The following ABI3BP variants were observed in gnomAD, a reference collection of about 807,000 sequenced individuals.
The protein encoded by ABI3BP is target of Nesh-SH3.
Under a neutral mutation model 268.6 loss-of-function variants are expected in ABI3BP, and 216 were observed. That is an observed-to-expected ratio of 0.80 (90% CI 0.72 to 0.90). The LOEUF (loss-of-function observed/expected upper bound fraction) is 0.90, where lower values mean the gene tolerates loss of function less well. Among genes scored for constraint, ABI3BP ranks in the 40% least tolerant of loss-of-function variants. ABI3BP has a pLI of 0.00. For missense variants in ABI3BP, 2,090 were observed against 2,182.4 expected (o/e 0.96, Z 0.84); for synonymous variants, 730 against 730.0 (o/e 1.00, Z 0.00).
rs1215705654 is a variant in ABI3BP, at chr3:100,810,579, A to T, written c.3542-102T>A. On this transcript the variant is annotated intron_variant, in intron 48 of 67. Transcript: ENST00000471714. ...TAACAAATAGATTTTTTTAAAATAA[A>T]GAAAATTGCAAGTCTGCAGCAAAAC... 8.9e-6 allele frequency: 7 copies of T among 790,802 alleles called. No individual in the cohort carries two copies. The East Asian group carries it at 1.9e-4, about 22-fold the overall frequency. The allele number at this position is 790,802 out of a possible 1,614,324, so 49.0% of individuals were successfully genotyped here.
chr3:100,935,480 T>A (rs1380196056), intron 1 of ABI3BP, among the ~76,000 whole-genome samples: 1 of 152,150 alleles, frequency 6.6e-6, no homozygotes, highest in Non-Finnish European at 1.5e-5. Context: ...TTATTCCATA[T>A]GAAATTGAAA....
chr3:100,796,308 A>C (rs2097344616), intron 52 of ABI3BP, 101 bp downstream of exon 52: 4 of 911,236 alleles, frequency 4.4e-6, no homozygotes, highest in Non-Finnish European at 4.8e-6. Context: ...TTTTTCTCTA[A>C]ATTTCTTCCA....
intron 11 of ABI3BP, 176 bp from the exon 12 acceptor site, chr3:100,864,252 T>C: frequency 3.3e-6 from 2 of 605,648 alleles, no homozygotes; most frequent in Non-Finnish European, 5.9e-6. Flanking sequence ...TATGAAGGTG[T>C]ACATTCAAAG....
intron 1 of ABI3BP, among the ~76,000 whole-genome samples, chr3:100,926,868 C>T (rs2061950158): frequency 6.6e-6 from 1 of 152,128 alleles, no homozygotes; most frequent in South Asian, 2.1e-4. Context: ...CTTTATGAGG[C>T]TTTCCAGTGC....
At chr3:100,851,750 G>C (rs2098841905) in intron 15 of ABI3BP, 125 bp downstream of exon 15, 2 of 731,346 alleles carry the variant, frequency 2.7e-6, no homozygotes, top group East Asian at 5.5e-5. Context: ...CCCTGACACA[G>C]GTAGAAATTT....
intron 12 of ABI3BP, 101 bp from the exon 13 acceptor site, chr3:100,863,010 G>C: frequency 1.3e-6 from 1 of 799,688 alleles, no homozygotes; most frequent in Middle Eastern, 2.5e-4. Flanking sequence ...ACACAAAAAG[G>C]CAAATCATGT....
Position 100,837,164 on chromosome 3 carries a change from C to T in ABI3BP, c.2091G>A (p.Glu697=). 6.5e-7 allele frequency: 1 copy of T among 1,533,806 alleles called. No individual in the cohort carries two copies. The highest frequency in any genetic ancestry group is 8.7e-7 in the Non-Finnish European group (1 of 1,145,862). The change falls in exon 27 of 68, where the codon GAG becomes GAA. Residue 697 remains glutamate (E), a synonymous_variant. Coordinates refer to ENST00000471714, the MANE Select transcript of ABI3BP (RefSeq NM_001375547.2). The part of the protein sequence containing the change: ...PDMPPTKSVS[E]PVPFETEAPS... The stretch of plus-strand genomic sequence containing the variant: ...GAGCTTCAGTTTCAAATGGAACAGG[C>T]TCAGAGACTGCATCATAAAAAATAA...
At position 100,750,107 on chromosome 3, in the gene ABI3BP, A is replaced by ATTCC. The variant is rs1461943170; in HGVS notation, c.*387_*388insGGAA. ...AGATTTATGGAATTAACTCATCAAT[A>ATTCC]GGAAGAGTACACATCAATAAAAGTA... On this transcript the variant is annotated 3_prime_UTR_variant, in exon 68 of 68. Transcript: ENST00000471714. 32 of 230,720 alleles carry ATTCC rather than the reference A, an allele frequency of 1.4e-4. No individual in the cohort carries two copies. The highest frequency in any genetic ancestry group is 2.5e-5 in the Non-Finnish European group (3 of 120,784). The allele number at this position is 230,720 out of a possible 1,614,324, so 14.3% of individuals were successfully genotyped here. A position where few individuals can be genotyped will look rare whatever the true frequency, so the allele number is the denominator to read the frequency against.
chr3:100,888,951 G>A (rs1561308760), intron 4 of ABI3BP, among the ~76,000 whole-genome samples: 1 of 151,698 alleles, frequency 6.6e-6, no homozygotes, highest in Non-Finnish European at 1.5e-5. Context: ...TACACAGTAG[G>A]TGCTCCATAA....
At chr3:100,816,606 G>A in intron 43 of ABI3BP, 82 bp downstream of exon 43, 1 of 1,084,512 alleles carries the variant, frequency 9.2e-7, no homozygotes, top group Admixed American at 2.0e-5. Context: ...TCCCGTCATA[G>A]GCATTTCTTT....
intron 22 of ABI3BP, among the ~76,000 whole-genome samples, 199 bp from the exon 23 acceptor site, chr3:100,840,363 G>A (rs2098674420): frequency 6.6e-6 from 1 of 152,066 alleles, no homozygotes; most frequent in South Asian, 2.1e-4. Flanking sequence ...TTAATAAACT[G>A]TCCAAGAGAT....
At chr3:100,870,032 C>T (rs947082796) in intron 9 of ABI3BP, among the ~76,000 whole-genome samples, 7 of 152,062 alleles carry the variant, frequency 4.6e-5, no homozygotes, top group Admixed American at 6.6e-5. Flanking sequence ...CTTGATGCCC[C>T]GTTATGAGCT....
chr3:100,806,542 T>G (rs559389214), intron 50 of ABI3BP, among the ~76,000 whole-genome samples: 2 of 152,254 alleles, frequency 1.3e-5, no homozygotes, highest in South Asian at 4.1e-4. Context: ...AGGTCCCAAT[T>G]CTACCCACTT....
chr3:100,941,519 C>T (rs935725499), intron 1 of ABI3BP, among the ~76,000 whole-genome samples: 1 of 152,088 alleles, frequency 6.6e-6, no homozygotes, highest in Non-Finnish European at 1.5e-5. Flanking sequence ...TAATGGGGCA[C>T]TTTATATCTG....
At chr3:100,861,134 T>A (rs140916569) in intron 14 of ABI3BP, among the ~76,000 whole-genome samples, 1 of 152,174 alleles carries the variant, frequency 6.6e-6, no homozygotes, top group Non-Finnish European at 1.5e-5. Context: ...AAGACTTAGA[T>A]ACAGTTTGAG....
At chr3:100,770,312 A>G (rs1214756858) in intron 62 of ABI3BP, among the ~76,000 whole-genome samples, 2 of 152,158 alleles carry the variant, frequency 1.3e-5, no homozygotes, top group African/African-American at 2.4e-5. Context: ...TTGATCAGGA[A>G]TAGAATTTTT....
At chr3:100,892,103 G>T (rs1360553883) in intron 4 of ABI3BP, among the ~76,000 whole-genome samples, 1 of 152,200 alleles carries the variant, frequency 6.6e-6, no homozygotes, top group African/African-American at 2.4e-5. Flanking sequence ...ATGCATTGAG[G>T]TATATTTCTT....
chr3:100,943,495 C>T (rs1391639356), intron 1 of ABI3BP, among the ~76,000 whole-genome samples: 1 of 152,048 alleles, frequency 6.6e-6, no homozygotes, highest in Non-Finnish European at 1.5e-5. Context: ...GTAACCCAAA[C>T]CTTTATCAAG....
rs1579369639 is a variant in ABI3BP, at chr3:100,829,592, TGAAGCTCTTC to T, written c.2521_2530del (p.Glu841ArgfsTer16). 4 of 1,535,412 alleles carry T rather than the reference TGAAGCTCTTC, an allele frequency of 2.6e-6. No individual in the cohort carries two copies. Among genetic ancestry groups the T allele is most frequent in the Non-Finnish European group, 3.5e-6 (4 of 1,146,334 alleles). ...ACCTACAAATTTACCCAGTTCAGTC[TGAAGCTCTTC>T]GGGACTCAGTGTGGTTTTAGGTTTG... On this transcript the variant is annotated frameshift_variant, in exon 33 of 68. Coordinates refer to ENST00000471714, the MANE Select transcript of ABI3BP (RefSeq NM_001375547.2). LOFTEE classifies it high-confidence loss of function.
Sources: gnomAD v4.1 joint callset for allele counts (sites outside exome capture counted in the v4.1 genomes callset) on GRCh38, gnomAD v4.1.1 for gene constraint, MANE v1.5 for transcripts, NCBI Gene and HGNC (gene_info 2026-07-23, HGNC 2026-07-21) for gene names.